The following ROBO2 variants were observed in gnomAD, a reference collection of about 807,000 sequenced individuals.
ROBO2 encodes the protein roundabout guidance receptor 2.
ROBO2 carries 53 observed loss-of-function variants against 160.8 expected under a neutral mutation model. The observed-to-expected ratio is 0.33, with a 90% CI of 0.26 to 0.41. ROBO2 has a LOEUF of 0.41. ROBO2 is among the 10% of genes least tolerant of loss of function. The pLI, the probability that ROBO2 is intolerant of heterozygous loss-of-function variation, is 1.00. For synonymous variants in ROBO2, 664 were observed against 611.7 expected, an observed-to-expected ratio of 1.09 and a Z score of -1.26; for missense variants, 1,577 against 1,722.4, an observed-to-expected ratio of 0.92 and a Z score of 1.49.
chr3:76,585,139 C>T (rs2085952460), intron 2 of ROBO2, among the ~76,000 whole-genome samples: 1 of 152,204 alleles, frequency 6.6e-6, no homozygotes, highest in South Asian at 2.1e-4. Flanking sequence ...TGTAGCATCA[C>T]TGGCCTTGCT....
intron 2 of ROBO2, among the ~76,000 whole-genome samples, chr3:76,348,415 GAT>G (rs1260723619): frequency 6.6e-6 from 1 of 152,130 alleles, no homozygotes; most frequent in African/African-American, 2.4e-5. Context: ...CCATTCCAAA[GAT>G]ATAGGTTAAA....
intron 15 of ROBO2, among the ~76,000 whole-genome samples, chr3:77,577,998 A>G (rs992417397): frequency 3.3e-5 from 5 of 152,242 alleles, no homozygotes; most frequent in Admixed American, 6.5e-5. Context: ...GTTCTCAGAA[A>G]AAAAGATGCT....
chr3:76,669,593 T>C (rs536203030), intron 2 of ROBO2, among the ~76,000 whole-genome samples: 2 of 152,102 alleles, frequency 1.3e-5, no homozygotes, highest in African/African-American at 4.8e-5. Context: ...AGAGAAGCAA[T>C]AAAAAGATAG....
chr3:76,385,560 G>A (rs945348304), intron 2 of ROBO2, among the ~76,000 whole-genome samples: 5 of 152,102 alleles, frequency 3.3e-5, no homozygotes, highest in East Asian at 1.9e-4. Context: ...TATGGAAAGC[G>A]TACCCGCAAA....
At chr3:76,868,295 T>C (rs982919639) in intron 2 of ROBO2, among the ~76,000 whole-genome samples, 12 of 152,186 alleles carry the variant, frequency 7.9e-5, no homozygotes, top group Non-Finnish European at 1.8e-4. Flanking sequence ...ACCCAGTGAC[T>C]ATGCTCTTTT....
At chr3:76,006,681 G>A (rs1486556272) in intron 2 of ROBO2, among the ~76,000 whole-genome samples, 5 of 152,052 alleles carry the variant, frequency 3.3e-5, no homozygotes, top group Non-Finnish European at 7.4e-5. Context: ...TAAGAATCTA[G>A]TTTAGTGCCT....
intron 2 of ROBO2, among the ~76,000 whole-genome samples, chr3:77,203,381 A>G (rs545563277): frequency 1.3e-5 from 2 of 152,340 alleles, no homozygotes; most frequent in African/African-American, 4.8e-5. Flanking sequence ...AGAATTTGCA[A>G]ATAATCTTAG....
intron 1 of ROBO2, among the ~76,000 whole-genome samples, chr3:75,918,943 G>A (rs1341353777): frequency 1.3e-5 from 2 of 152,054 alleles, no homozygotes; most frequent in Non-Finnish European, 2.9e-5. Flanking sequence ...TTGGGCTGAG[G>A]TGGTGGCGTT....
At chr3:76,422,059 A>G (rs899613710) in intron 2 of ROBO2, among the ~76,000 whole-genome samples, 2 of 152,192 alleles carry the variant, frequency 1.3e-5, no homozygotes, top group African/African-American at 2.4e-5. Flanking sequence ...GCAAATAAGC[A>G]GGCCCACCTG....
At chr3:77,424,432 T>G (rs2077993946) in intron 2 of ROBO2, among the ~76,000 whole-genome samples, 1 of 152,204 alleles carries the variant, frequency 6.6e-6, no homozygotes, top group African/African-American at 2.4e-5. Context: ...ACTTGTTGGC[T>G]TTCTTATTTT....
At chr3:76,840,435 C>T (rs887474790) in intron 2 of ROBO2, among the ~76,000 whole-genome samples, 2 of 151,130 alleles carry the variant, frequency 1.3e-5, no homozygotes, top group Non-Finnish European at 2.9e-5. Context: ...CGGTGAAACC[C>T]CGTCTCTACT....
At chr3:77,507,871 C>A (rs1194479300) in intron 5 of ROBO2, among the ~76,000 whole-genome samples, 2 of 151,802 alleles carry the variant, frequency 1.3e-5, no homozygotes, top group African/African-American at 2.4e-5. Flanking sequence ...GAAAATAATA[C>A]CTGCAATATT....
chr3:76,185,700 T>A (rs937164535), intron 2 of ROBO2, among the ~76,000 whole-genome samples: 10 of 152,086 alleles, frequency 6.6e-5, no homozygotes, highest in African/African-American at 2.4e-4. Context: ...TGCACAATTT[T>A]AAAAATTGCC....
intron 2 of ROBO2, among the ~76,000 whole-genome samples, chr3:76,962,281 G>A (rs1428476662): frequency 6.6e-6 from 1 of 151,956 alleles, no homozygotes; most frequent in Non-Finnish European, 1.5e-5. Context: ...GTTGCAGTGA[G>A]CTGAGATCAT....
intron 2 of ROBO2, among the ~76,000 whole-genome samples, chr3:76,064,239 G>A (rs566233237): frequency 1.2e-4 from 18 of 152,310 alleles, no homozygotes; most frequent in African/African-American, 3.4e-4. Flanking sequence ...CTCGTGTGTT[G>A]TGTTACGCTT....
chr3:77,641,860 G>A (rs1382474647), intron 24 of ROBO2, among the ~76,000 whole-genome samples: 1 of 152,014 alleles, frequency 6.6e-6, no homozygotes, highest in African/African-American at 2.4e-5. Flanking sequence ...AGATGAAAAG[G>A]GAGTTGATAT....
At chr3:76,634,646 T>C (rs2090219668) in intron 2 of ROBO2, among the ~76,000 whole-genome samples, 1 of 150,920 alleles carries the variant, frequency 6.6e-6, no homozygotes, top group Non-Finnish European at 1.5e-5. Context: ...ATTAATCACC[T>C]CTTCAAAGGC....
intron 2 of ROBO2, among the ~76,000 whole-genome samples, chr3:76,800,711 G>A (rs2064131745): frequency 6.6e-6 from 1 of 152,138 alleles, no homozygotes; most frequent in Non-Finnish European, 1.5e-5. Context: ...ATATGCAAAA[G>A]GCAGGCAATA....
intron 2 of ROBO2, among the ~76,000 whole-genome samples, chr3:76,624,452 C>G (rs1482683465): frequency 1.3e-5 from 2 of 151,968 alleles, no homozygotes; most frequent in Non-Finnish European, 2.9e-5. Context: ...AATTTCCCCC[C>G]AAGAAATGGT....
Sources: gnomAD v4.1 joint callset for allele counts (sites outside exome capture counted in the v4.1 genomes callset) on GRCh38, gnomAD v4.1.1 for gene constraint, MANE v1.5 for transcripts, NCBI Gene and HGNC (gene_info 2026-07-23, HGNC 2026-07-21) for gene names.